ELP4: variants seen among roughly 807,000 people sequenced by gnomAD.
The protein encoded by ELP4 is elongator acetyltransferase complex subunit 4.
Under a neutral mutation model 48.9 loss-of-function variants are expected in ELP4, and 51 were observed. The observed-to-expected ratio is 1.04, with a 90% CI of 0.83 to 1.32. The LOEUF (loss-of-function observed/expected upper bound fraction) is 1.32. ELP4 is among the 40% of genes most tolerant of loss of function. ELP4 has a pLI of 0.00. For synonymous variants in ELP4, 210 were observed against 189.2 expected (o/e 1.11, Z -0.90); for missense variants, 519 against 514.6 (o/e 1.01, Z -0.08).
intron 2 of ELP4, 102 bp from the exon 3 acceptor site, chr11:31,539,560 A>G: frequency 8.0e-7 from 1 of 1,249,112 alleles, no homozygotes; most frequent in Non-Finnish European, 1.1e-6. Flanking sequence ...TACTTGTTTT[A>G]AGGAAAAAAA....
intron 9 of ELP4, among the ~76,000 whole-genome samples, chr11:31,764,202 A>G (rs1006698624): frequency 6.6e-6 from 1 of 152,164 alleles, no homozygotes; most frequent in African/African-American, 2.4e-5. Flanking sequence ...GGACAAACAC[A>G]ATTAAAGGCT....
At chr11:31,722,721 C>CTCTT (rs1946995147) in intron 9 of ELP4, among the ~76,000 whole-genome samples, 5 of 149,080 alleles carry the variant, frequency 3.4e-5, no homozygotes, top group South Asian at 2.1e-4. Context: ...CTCTCTCTCT[C>CTCTT]TCTCTTTCTC....
At chr11:31,520,147 A>G in intron 2 of ELP4, 56 bp downstream of exon 2, 1 of 1,444,302 alleles carries the variant, frequency 6.9e-7, no homozygotes, top group South Asian at 1.3e-5. Context: ...GTTGTGCATA[A>G]TCATTTTATC....
intron 9 of ELP4, among the ~76,000 whole-genome samples, chr11:31,772,554 C>G (rs1269520263): frequency 2.0e-5 from 3 of 152,184 alleles, no homozygotes; most frequent in African/African-American, 7.2e-5. Flanking sequence ...CTTGTTCACA[C>G]TGTTTTGTCT....
chr11:31,706,980 T>A (rs1176832141), intron 9 of ELP4: 2 of 398,386 alleles, frequency 5.0e-6, no homozygotes, highest in East Asian at 7.1e-5. Context: ...TTATTCATCT[T>A]TTTTTGGACA....
chr11:31,665,644 C>T (rs1393929157), intron 9 of ELP4, among the ~76,000 whole-genome samples: 10 of 145,256 alleles, frequency 6.9e-5, no homozygotes, highest in South Asian at 4.3e-4. Context: ...AATGTTTAAT[C>T]GTCTCTCTTC....
chr11:31,679,138 A>G (rs948506124), intron 9 of ELP4, among the ~76,000 whole-genome samples: 4 of 152,172 alleles, frequency 2.6e-5, no homozygotes, highest in African/African-American at 4.8e-5. Context: ...GTTGAATTTT[A>G]GAAGTTCTTT....
At chr11:31,546,310 A>AC (rs1160420773) in intron 3 of ELP4, among the ~76,000 whole-genome samples, 1 of 152,084 alleles carries the variant, frequency 6.6e-6, no homozygotes, top group African/African-American at 2.4e-5. Context: ...CAAATGGAAA[A>AC]CAAAAAAAGG....
intron 3 of ELP4, among the ~76,000 whole-genome samples, chr11:31,574,104 A>G (rs1957229004): frequency 6.6e-6 from 1 of 152,242 alleles, no homozygotes; most frequent in Non-Finnish European, 1.5e-5. Context: ...TATTTTTTGT[A>G]TAGACTGTTT....
chr11:31,693,883 G>A (rs1946338296), intron 9 of ELP4, among the ~76,000 whole-genome samples: 1 of 152,130 alleles, frequency 6.6e-6, no homozygotes, highest in African/African-American at 2.4e-5. Flanking sequence ...ATCTCATTGT[G>A]GTTTTGATTT....
intron 9 of ELP4, among the ~76,000 whole-genome samples, chr11:31,777,888 C>T (rs1475887326): frequency 1.3e-5 from 2 of 152,194 alleles, no homozygotes; most frequent in Non-Finnish European, 2.9e-5. Context: ...ATTATAGCTA[C>T]TTAGCCTGTA....
At chr11:31,676,518 C>CGATA (rs1446501926) in intron 9 of ELP4, among the ~76,000 whole-genome samples, 1 of 152,122 alleles carries the variant, frequency 6.6e-6, no homozygotes, top group African/African-American at 2.4e-5. Context: ...ATCTTACATA[C>CGATA]GATAAGGTGC....
chr11:31,685,843 A>G (rs1946149029), intron 9 of ELP4, among the ~76,000 whole-genome samples: 1 of 151,954 alleles, frequency 6.6e-6, no homozygotes, highest in Non-Finnish European at 1.5e-5. Context: ...AGGCAGGAGA[A>G]TCACTTCAAC....
chr11:31,716,160 A>G (rs979103576), intron 9 of ELP4, among the ~76,000 whole-genome samples: 1 of 152,078 alleles, frequency 6.6e-6, no homozygotes, highest in African/African-American at 2.4e-5. Context: ...GACTACGGGC[A>G]CACACCACCA....
intron 9 of ELP4, among the ~76,000 whole-genome samples, chr11:31,729,651 A>G (rs1425282511): frequency 6.6e-6 from 1 of 152,188 alleles, no homozygotes; most frequent in Admixed American, 6.5e-5. Flanking sequence ...AAATTAACCC[A>G]TTTACTACTA....
chr11:31,751,321 A>G (rs1947715799), intron 9 of ELP4, among the ~76,000 whole-genome samples: 2 of 152,316 alleles, frequency 1.3e-5, no homozygotes, highest in South Asian at 4.1e-4. Context: ...TTTCCAACTT[A>G]AAAACTAATT....
chr11:31,702,616 G>A (rs960626928), intron 9 of ELP4, among the ~76,000 whole-genome samples: 5 of 152,064 alleles, frequency 3.3e-5, no homozygotes, highest in Admixed American at 1.3e-4. Flanking sequence ...TTTTTCATCT[G>A]TAGGTGTTTC....
At chr11:31,620,915 G>A (rs557620854) in intron 5 of ELP4, among the ~76,000 whole-genome samples, 30 of 151,862 alleles carry the variant, frequency 2.0e-4, no homozygotes, top group African/African-American at 6.8e-4. Flanking sequence ...GTTCTTAGTT[G>A]AACATCCATG....
chr11:31,588,695 T>C (rs1187506821), intron 3 of ELP4, among the ~76,000 whole-genome samples: 1 of 152,154 alleles, frequency 6.6e-6, no homozygotes, highest in Non-Finnish European at 1.5e-5. Context: ...TAAAATAACA[T>C]ATTAAGGTTG....
Sources: gnomAD v4.1 joint callset for allele counts (sites outside exome capture counted in the v4.1 genomes callset) on GRCh38, gnomAD v4.1.1 for gene constraint, MANE v1.5 for transcripts, NCBI Gene and HGNC (gene_info 2026-07-23, HGNC 2026-07-21) for gene names.